Variants in LGR4 observed in about 807,000 individuals in gnomAD.
The protein encoded by LGR4 is leucine rich repeat containing G protein-coupled receptor 4.
LGR4 carries 44 observed loss-of-function variants against 84.8 expected under a neutral mutation model. The observed-to-expected ratio is 0.52, with a 90% CI of 0.41 to 0.67. The LOEUF (loss-of-function observed/expected upper bound fraction) is 0.67, where lower values mean the gene tolerates loss of function less well. Ranked by LOEUF, LGR4 falls within the 30% of genes least tolerant of loss-of-function variation. LGR4 has a pLI of 0.00. For synonymous variants in LGR4, 429 were observed against 434.3 expected (o/e 0.99, Z 0.15); for missense variants, 1,032 against 1,131.4 (o/e 0.91, Z 1.26).
intron 1 of LGR4, among the ~76,000 whole-genome samples, chr11:27,455,156 C>T (rs1329662009): frequency 2.6e-5 from 4 of 152,178 alleles, no homozygotes; most frequent in African/African-American, 9.7e-5. Context: ...CCTGTCTCAG[C>T]CTTCTGAGTA....
intron 2 of LGR4, among the ~76,000 whole-genome samples, chr11:27,396,330 G>A (rs973252932): frequency 2.0e-5 from 3 of 152,130 alleles, no homozygotes; most frequent in Admixed American, 1.3e-4. Context: ...AGCTAGTAAG[G>A]AGAGACTATG....
chr11:27,427,890 T>C (rs967098573), intron 1 of LGR4, among the ~76,000 whole-genome samples: 2 of 152,176 alleles, frequency 1.3e-5, no homozygotes, highest in African/African-American at 4.8e-5. Flanking sequence ...GTCTTTTTTA[T>C]CTTATGGACA....
intron 1 of LGR4, among the ~76,000 whole-genome samples, chr11:27,436,819 C>T (rs1031631809): frequency 6.6e-6 from 1 of 152,100 alleles, no homozygotes. Flanking sequence ...GTAACTCTAA[C>T]CCTACATGTC....
chr11:27,413,559 T>A (rs1478623609), intron 1 of LGR4, among the ~76,000 whole-genome samples: 1 of 152,170 alleles, frequency 6.6e-6, no homozygotes, highest in South Asian at 2.1e-4. Context: ...TTGAACTGGC[T>A]TTCTCTGCCA....
chr11:27,398,639 A>G (rs1024304830), intron 2 of LGR4, among the ~76,000 whole-genome samples: 1 of 152,134 alleles, frequency 6.6e-6, no homozygotes, highest in Non-Finnish European at 1.5e-5. Flanking sequence ...CTGTGCACAC[A>G]AATAATAGAG....
chr11:27,456,531 C>G (rs1448394048), intron 1 of LGR4, among the ~76,000 whole-genome samples: 1 of 152,156 alleles, frequency 6.6e-6, no homozygotes, highest in African/African-American at 2.4e-5. Context: ...GCTTTTTAAT[C>G]TACTGCAAAG....
Position 27,366,709 on chromosome 11 carries a change from TTTC to T in LGR4, c.*1155_*1157del, listed in dbSNP as rs1862771541. 3.9e-5 allele frequency: 6 copies of T among 152,588 alleles called. No homozygotes were observed. Among genetic ancestry groups the T allele is most frequent in the Admixed American group, 3.9e-4 (6 of 15,282 alleles). 9.5% of individuals were successfully genotyped at this position (152,588 alleles called of 1,614,324 possible). The stretch of plus-strand genomic sequence containing the variant: ...AAAGACACAGGACTAAGCTTTATTC[TTTC>T]TTCTTCTATTTTTATTAATAACATA... On this transcript the variant is annotated 3_prime_UTR_variant, in exon 18 of 18. Transcript: ENST00000379214.
rs542205697 is a variant in LGR4, at chr11:27,398,773, G to T, written c.258-6255C>A. On this transcript the variant is annotated intron_variant, in intron 2 of 17. Coordinates refer to ENST00000379214, the MANE Select transcript of LGR4 (RefSeq NM_018490.5). ...ATGTTCCTACCTTCCCTTTGCAGAGGTGGTTACCAGATGGCCTGGCATTGG... is the reference window on the plus strand; with the variant it reads ...ATGTTCCTACCTTCCCTTTGCAGAGTTGGTTACCAGATGGCCTGGCATTGG... 1.4e-4 allele frequency among the ~76,000 whole-genome samples: 21 copies of T among 152,274 alleles called. No individual in the cohort carries two copies. In the South Asian group the frequency reaches 3.7e-3, roughly 27 times the overall value.
rs796411453 is a variant in LGR4, at chr11:27,382,468, A to T, written c.690-212T>A. Among the ~76,000 whole-genome samples, 15 of 152,316 alleles carry T rather than the reference A, an allele frequency of 9.8e-5. 1 individual carries two copies. Among genetic ancestry groups the T allele is most frequent in the African/African-American group, 3.4e-4 (14 of 41,580 alleles). On this transcript the variant is annotated intron_variant, in intron 6 of 17. Transcript: ENST00000379214. ...AATAGAGAGAAATCATTCTTCTTCCATGATGTTTTTAGGTCAAGAAACTTA... is the reference window on the plus strand; with the variant it reads ...AATAGAGAGAAATCATTCTTCTTCCTTGATGTTTTTAGGTCAAGAAACTTA...
chr11:27,470,648 A>C (rs569755724), intron 1 of LGR4, among the ~76,000 whole-genome samples: 1 of 151,910 alleles, frequency 6.6e-6, no homozygotes, highest in Non-Finnish European at 1.5e-5. Flanking sequence ...TAACTTTATG[A>C]ACAAAATGCT....
rs781480626 is a variant in LGR4, at chr11:27,368,973, T to C, written c.1750A>G (p.Asn584Asp). The C allele has an allele frequency of 8.7e-6, 14 of 1,613,936 alleles. No homozygotes were observed. Among genetic ancestry groups the C allele is most frequent in the South Asian group, 5.5e-5 (5 of 91,066 alleles). Reference protein sequence around the residue: ...KLFIGLISVSNLFMGIYTGIL... With the variant: ...KLFIGLISVSDLFMGIYTGIL... ...CCAGTATAGATTCCCATGAATAAGTTAGACACAGAAATCAAGCCTATAAAC... is the reference window on the plus strand; with the variant it reads ...CCAGTATAGATTCCCATGAATAAGTCAGACACAGAAATCAAGCCTATAAAC... Residue 584 changes from asparagine to aspartate, a missense_variant, in exon 18 of 18, where the codon AAC (asparagine) becomes GAC (aspartate). Transcript: ENST00000379214.
intron 2 of LGR4, among the ~76,000 whole-genome samples, chr11:27,398,949 C>T (rs968527668): frequency 6.6e-6 from 1 of 152,118 alleles, no homozygotes; most frequent in Admixed American, 6.5e-5. Context: ...TCTTGTTGCC[C>T]AGGCTGGAGT....
At chr11:27,446,646 AAC>A (rs2133439158) in intron 1 of LGR4, among the ~76,000 whole-genome samples, 2 of 152,354 alleles carry the variant, frequency 1.3e-5, no homozygotes, top group Non-Finnish European at 2.9e-5. Context: ...AAGGATCTAG[AAC>A]TAGAAATACC....
Position 27,381,005 on chromosome 11 carries a change from C to T in LGR4, c.759-39G>A, listed in dbSNP as rs760698785. On this transcript the variant is annotated intron_variant, in intron 7 of 17. Coordinates refer to ENST00000379214, the MANE Select transcript of LGR4 (RefSeq NM_018490.5). ...AGAAAAGTATTTTGAAATGCATTAT[C>T]CTCTTGCGAAATAAAACCCAAGTAT... The T allele has an allele frequency of 1.8e-5, 20 of 1,140,808 alleles. No individual in the cohort carries two copies. In the South Asian group the frequency reaches 2.4e-4, roughly 14 times the overall value. The allele number at this position is 1,140,808 out of a possible 1,614,324, so 70.7% of individuals were successfully genotyped here.
At chr11:27,426,751 A>T (rs752792837) in intron 1 of LGR4, among the ~76,000 whole-genome samples, 4 of 152,212 alleles carry the variant, frequency 2.6e-5, no homozygotes, top group African/African-American at 4.8e-5. Context: ...TTTAATAATG[A>T]GGGAACTGAG....
At chr11:27,450,680 C>T (rs1269437292) in intron 1 of LGR4, among the ~76,000 whole-genome samples, 1 of 152,026 alleles carries the variant, frequency 6.6e-6, no homozygotes, top group East Asian at 1.9e-4. Flanking sequence ...CCCACCTACT[C>T]GGGAGGCTGA....
At chr11:27,442,380 A>T (rs1864318254) in intron 1 of LGR4, among the ~76,000 whole-genome samples, 1 of 152,220 alleles carries the variant, frequency 6.6e-6, no homozygotes, top group Non-Finnish European at 1.5e-5. Flanking sequence ...TTGTTCAACT[A>T]ATAACTTAGT....
intron 1 of LGR4, among the ~76,000 whole-genome samples, chr11:27,469,914 G>C (rs1864841465): frequency 6.6e-6 from 1 of 152,182 alleles, no homozygotes; most frequent in Admixed American, 6.5e-5. Flanking sequence ...CACTGGCCTT[G>C]CTTCATACAT....
chr11:27,403,795 A>C (rs1315824483), intron 2 of LGR4, among the ~76,000 whole-genome samples: 2 of 152,172 alleles, frequency 1.3e-5, no homozygotes, highest in Middle Eastern at 3.2e-3. Flanking sequence ...TATTTTTGTA[A>C]TTGTTTTTTA....
Sources: allele counts gnomAD v4.1 joint callset (sites outside exome capture counted in the v4.1 genomes callset), GRCh38; gene constraint gnomAD v4.1.1; transcripts MANE v1.5; gene names NCBI Gene and HGNC (gene_info 2026-07-23, HGNC 2026-07-21).